The following XDH variants were observed in gnomAD, a reference collection of about 807,000 sequenced individuals.
XDH encodes xanthine dehydrogenase/oxidase.
In XDH, 138 loss-of-function variants were observed where a neutral mutation model predicts 156.1. The observed-to-expected ratio is 0.88, with a 90% confidence interval of 0.77 to 1.02. The LOEUF is 1.02. Ranked by LOEUF, XDH falls within the 50% of genes least tolerant of loss-of-function variation. XDH has a pLI of 0.00. For missense variants in XDH, 1,849 were observed against 1,684.9 expected (o/e 1.10, Z -1.71); for synonymous variants, 669 against 625.7 (o/e 1.07, Z -1.03).
intron 14 of XDH, 57 bp from the exon 15 acceptor site, chr2:31,375,611 T>C (rs1686225306): frequency 6.3e-7 from 1 of 1,578,436 alleles, no homozygotes; most frequent in Non-Finnish European, 8.6e-7. Context: ...GACCCCTTTG[T>C]GTAGAGCTGT....
rs202213607 is a variant in XDH, at chr2:31,344,303, A to T, written c.3404+381T>A. Among the ~76,000 whole-genome samples the T allele has an allele frequency of 5.9e-5, 9 of 152,320 alleles. No individual in the cohort carries two copies. The East Asian group carries it at 1.3e-3, about 23-fold the overall frequency. On this transcript the variant is annotated intron_variant, in intron 31 of 35. Coordinates refer to ENST00000379416, the MANE Select transcript of XDH (RefSeq NM_000379.4). ...TAGCTAACAGCAATGCCTAACTCATAACACTACACAGCCTGGTTTCTGCAG... is the reference window on the plus strand; with the variant it reads ...TAGCTAACAGCAATGCCTAACTCATTACACTACACAGCCTGGTTTCTGCAG...
chr2:31,340,244 C>A (rs1164077271), intron 33 of XDH, among the ~76,000 whole-genome samples: 1 of 152,236 alleles, frequency 6.6e-6, no homozygotes, highest in East Asian at 1.9e-4. Context: ...AAGAAACCGA[C>A]TGGCAATCAT....
At chr2:31,393,045 G>A (rs1289676614) in intron 6 of XDH, among the ~76,000 whole-genome samples, 1 of 152,196 alleles carries the variant, frequency 6.6e-6, no homozygotes, top group Non-Finnish European at 1.5e-5. Context: ...GTGTTTCATA[G>A]CACAGAATGT....
intron 3 of XDH, among the ~76,000 whole-genome samples, chr2:31,402,283 A>G (rs1409471501): frequency 6.6e-6 from 1 of 152,150 alleles, no homozygotes; most frequent in African/African-American, 2.4e-5. Flanking sequence ...CAATCAAATA[A>G]TTTCTTTGCT....
chr2:31,345,049 G>C (rs1432304214), intron 30 of XDH, among the ~76,000 whole-genome samples: 1 of 152,020 alleles, frequency 6.6e-6, no homozygotes, highest in African/African-American at 2.4e-5. Context: ...GCTTTCCACG[G>C]CTCCTTATTG....
intron 34 of XDH, 97 bp downstream of exon 34, chr2:31,339,392 A>G: frequency 4.0e-6 from 6 of 1,515,106 alleles, no homozygotes; most frequent in Non-Finnish European, 4.6e-6. Flanking sequence ...ATGCCCTTTG[A>G]AGTCCCACCA....
At chr2:31,411,830 G>A (rs1687350828) in intron 1 of XDH, among the ~76,000 whole-genome samples, 1 of 152,146 alleles carries the variant, frequency 6.6e-6, no homozygotes, top group Admixed American at 6.5e-5. Flanking sequence ...CTAGTATATG[G>A]GCTCCAGAAT....
At chr2:31,374,955 C>G (rs1686187080) in intron 15 of XDH, among the ~76,000 whole-genome samples, 1 of 152,014 alleles carries the variant, frequency 6.6e-6, no homozygotes, top group African/African-American at 2.4e-5. Flanking sequence ...CCATTCCACC[C>G]TACATACTCA....
rs375460228 is a variant in XDH, at chr2:31,370,406, C to A, written c.1929G>T (p.Gly643=). The change falls in exon 18 of 36, where the codon GGG becomes GGT. Residue 643 remains glycine (G), a synonymous_variant. Coordinates refer to ENST00000379416, the MANE Select transcript of XDH (RefSeq NM_000379.4). The part of the protein sequence containing the change: ...VCFISADDVP[G]SNITGICNDE... ...CATTACAAATTCCAGTTATGTTACT[C>A]CCAGGAACATCATCAGCGGAAATGA... The A allele has an allele frequency of 5.6e-5, 91 of 1,614,004 alleles. No individual in the cohort carries two copies. Among genetic ancestry groups the A allele is most frequent in the Non-Finnish European group, 6.9e-5 (82 of 1,180,008 alleles).
At chr2:31,390,404 T>C (rs570089918) in intron 6 of XDH, among the ~76,000 whole-genome samples, 74 of 152,372 alleles carry the variant, frequency 4.9e-4, no homozygotes, top group Non-Finnish European at 8.8e-4. Context: ...CTACAGTTTA[T>C]TCACCTACTG....
chr2:31,409,549 A>G (rs909077819), intron 1 of XDH, among the ~76,000 whole-genome samples: 2 of 152,202 alleles, frequency 1.3e-5, no homozygotes, highest in East Asian at 1.9e-4. Context: ...CAGAACTCCT[A>G]AAACTCAACA....
Position 31,368,549 on chromosome 2 carries a change from T to G in XDH, c.2092A>C (p.Thr698Pro), listed in dbSNP as rs779723461. ...AGCCCATTCTCAGTTACCTCAATTG[T>G]GATAATGGCTGGTAGTTCTTCATAG... is the stretch of plus-strand genomic sequence containing the variant. ...ITYEELPAII[T>P]IEDAIKNNSF... The change falls in exon 19 of 36, where the codon ACA becomes CCA. Residue 698 changes from threonine (T) to proline (P), a missense_variant. Thr to Pro is a conservative substitution (Grantham distance 38). Coordinates refer to ENST00000379416, the MANE Select transcript of XDH (RefSeq NM_000379.4). 3.7e-6 allele frequency: 6 copies of G among 1,614,186 alleles called. No homozygotes were observed. The Admixed American group carries it at 5.0e-5, about 13-fold the overall frequency.
intron 10 of XDH, 89 bp from the exon 11 acceptor site, chr2:31,383,241 T>C (rs1029922516): frequency 4.4e-6 from 7 of 1,594,530 alleles, no homozygotes; most frequent in Non-Finnish European, 6.0e-6. Flanking sequence ...TTCCAGCAAC[T>C]GGAGCAAGGC....
chr2:31,375,341 A>T (rs766293023), intron 15 of XDH, 39 bp downstream of exon 15: 1 of 1,613,592 alleles, frequency 6.2e-7, no homozygotes, highest in Non-Finnish European at 8.5e-7. Flanking sequence ...ATCCCCAAAC[A>T]TGCTACAGAG....
chr2:31,361,837 TTTG>T (rs1410956482), intron 24 of XDH, among the ~76,000 whole-genome samples: 2 of 152,178 alleles, frequency 1.3e-5, no homozygotes, highest in African/African-American at 4.8e-5. Context: ...AAGCAGATGC[TTTG>T]TTACTTGTCC....
At chr2:31,373,829 C>A (rs745806627) in intron 16 of XDH, 44 bp downstream of exon 16, 78 of 1,603,850 alleles carry the variant, frequency 4.9e-5, no homozygotes, top group Non-Finnish European at 6.6e-5. Flanking sequence ...ACTCATGTGG[C>A]CTGCAAAGTC....
At chr2:31,411,068 G>T (rs1687329376) in intron 1 of XDH, among the ~76,000 whole-genome samples, 1 of 151,998 alleles carries the variant, frequency 6.6e-6, no homozygotes, top group Non-Finnish European at 1.5e-5. Flanking sequence ...GTGGATCACA[G>T]GTCAGGAGTT....
chr2:31,375,654 G>C, intron 14 of XDH, 100 bp from the exon 15 acceptor site: 1 of 1,438,168 alleles, frequency 7.0e-7, no homozygotes, highest in Non-Finnish European at 9.4e-7. Context: ...ACAAAGCTTG[G>C]TTCAAAATTT....
intron 6 of XDH, among the ~76,000 whole-genome samples, chr2:31,393,081 T>C (rs1432512309): frequency 1.3e-5 from 2 of 152,268 alleles, no homozygotes; most frequent in Non-Finnish European, 2.9e-5. Context: ...ATGCTCCACG[T>C]GAGCTTGAGA....
Sources: gnomAD v4.1 joint callset for allele counts (sites outside exome capture counted in the v4.1 genomes callset) on GRCh38, gnomAD v4.1.1 for gene constraint, MANE v1.5 for transcripts, NCBI Gene and HGNC (gene_info 2026-07-23, HGNC 2026-07-21) for gene names.